BCAS4: variants seen among roughly 807,000 people sequenced by gnomAD.
The protein encoded by BCAS4 is breast carcinoma amplified sequence 4, also known as breast carcinoma-amplified sequence 4.
A neutral mutation model predicts 15.7 loss-of-function variants in BCAS4; 9 were observed. The ratio of observed to expected loss-of-function variants is 0.57; its 90% CI spans 0.34 to 1.00. BCAS4 has a LOEUF of 1.00. Ranked by LOEUF, BCAS4 falls within the 50% of genes least tolerant of loss-of-function variation. The pLI is 0.02. For synonymous variants in BCAS4, 101 were observed against 99.5 expected (o/e 1.02, Z -0.09); for missense variants, 225 against 239.1 (o/e 0.94, Z 0.39).
intron 4 of BCAS4, among the ~76,000 whole-genome samples, chr20:50,844,074 G>A (rs1465576359): frequency 2.6e-5 from 4 of 151,624 alleles, no homozygotes; most frequent in Non-Finnish European, 5.9e-5. Flanking sequence ...AGCCTAGCCT[G>A]GGAGGTGGAG....
intron 3 of BCAS4, 141 bp downstream of exon 3, chr20:50,830,521 C>A: frequency 1.6e-6 from 1 of 636,292 alleles, no homozygotes; most frequent in Admixed American, 3.4e-5. Flanking sequence ...GGGGAGTCTG[C>A]ACTCAAGTGA....
intron 1 of BCAS4, among the ~76,000 whole-genome samples, chr20:50,800,447 C>A (rs1230573316): frequency 6.6e-6 from 1 of 151,978 alleles, no homozygotes; most frequent in East Asian, 1.9e-4. Flanking sequence ...GATGGAGGAG[C>A]TGCTGAGGGG....
At chr20:50,866,516 A>G (rs1277230454) in intron 4 of BCAS4, among the ~76,000 whole-genome samples, 2 of 152,222 alleles carry the variant, frequency 1.3e-5, no homozygotes, top group African/African-American at 4.8e-5. Context: ...TAGGCACTCA[A>G]TGTTTATTTG....
chr20:50,864,312 A>C (rs1433039201), intron 4 of BCAS4, among the ~76,000 whole-genome samples: 1 of 152,150 alleles, frequency 6.6e-6, no homozygotes, highest in Non-Finnish European at 1.5e-5. Flanking sequence ...CCTAAACCCC[A>C]CTGAGTCTTA....
chr20:50,870,494 G>A (rs1224894171), intron 4 of BCAS4, among the ~76,000 whole-genome samples: 1 of 152,138 alleles, frequency 6.6e-6, no homozygotes, highest in Non-Finnish European at 1.5e-5. Context: ...TGTGAGAAAC[G>A]GAGCTGCTGG....
chr20:50,849,040 G>A (rs1050036632), intron 4 of BCAS4, among the ~76,000 whole-genome samples: 1 of 152,264 alleles, frequency 6.6e-6, no homozygotes, highest in Non-Finnish European at 1.5e-5. Flanking sequence ...GCGGACCTCG[G>A]AAGTGCACAG....
At chr20:50,807,653 C>G (rs2088008371) in intron 1 of BCAS4, among the ~76,000 whole-genome samples, 1 of 152,216 alleles carries the variant, frequency 6.6e-6, no homozygotes, top group Non-Finnish European at 1.5e-5. Flanking sequence ...TCTTTTACCC[C>G]TCACCTACCT....
At chr20:50,843,828 CAT>C (rs1255837259) in intron 4 of BCAS4, among the ~76,000 whole-genome samples, 1 of 152,216 alleles carries the variant, frequency 6.6e-6, no homozygotes, top group Non-Finnish European at 1.5e-5. Flanking sequence ...TCCCGAGTGA[CAT>C]TTCCCACTGA....
intron 4 of BCAS4, among the ~76,000 whole-genome samples, chr20:50,870,049 T>C (rs1979557846): frequency 6.6e-6 from 1 of 152,182 alleles, no homozygotes; most frequent in Admixed American, 6.5e-5. Context: ...ACACCCAGCC[T>C]GCCATTGCTT....
intron 4 of BCAS4, among the ~76,000 whole-genome samples, chr20:50,853,439 C>G (rs1313296304): frequency 6.6e-6 from 1 of 152,108 alleles, no homozygotes; most frequent in Non-Finnish European, 1.5e-5. Context: ...CTCACCCAGC[C>G]AACACCCCCC....
rs142217598 is a variant in BCAS4, at chr20:50,819,597, G to A, written c.162+1315G>A. Among the ~76,000 whole-genome samples, 1,122 of 152,156 alleles carry A rather than the reference G, an allele frequency of 7.4e-3. 21 individuals are homozygous for A. Among genetic ancestry groups the A allele is most frequent in the African/African-American group, 0.026 (1,074 of 41,500 alleles). ...ACTGAGTCATCCCTACCTATTCAGC[G>A]GACCTCGGCCCAGCCTCTAGGGTCA... is the stretch of plus-strand genomic sequence containing the variant. On this transcript the variant is annotated intron_variant, in intron 2 of 4. Transcript: ENST00000371608.
At chr20:50,799,492 G>T (rs1031888008) in intron 1 of BCAS4, among the ~76,000 whole-genome samples, 3 of 152,158 alleles carry the variant, frequency 2.0e-5, no homozygotes, top group African/African-American at 7.2e-5. Context: ...ACATGAGCAG[G>T]AAAAGGAAAA....
chr20:50,808,126 A>T (rs984162126), intron 1 of BCAS4, among the ~76,000 whole-genome samples: 3 of 151,666 alleles, frequency 2.0e-5, no homozygotes, highest in Non-Finnish European at 2.9e-5. Flanking sequence ...GTTAGCCAGG[A>T]TGGTCTCGAT....
intron 2 of BCAS4, among the ~76,000 whole-genome samples, chr20:50,823,478 C>T (rs535043359): frequency 6.6e-6 from 1 of 152,088 alleles, no homozygotes; most frequent in Non-Finnish European, 1.5e-5. Context: ...GAAAAAGAAT[C>T]GACTGCTATA....
chr20:50,801,160 C>G (rs1600843230), intron 1 of BCAS4, among the ~76,000 whole-genome samples: 1 of 152,086 alleles, frequency 6.6e-6, no homozygotes, highest in East Asian at 1.9e-4. Flanking sequence ...GGCGCCATGG[C>G]TCATGCCTGT....
At chr20:50,868,812 G>A (rs1405804994) in intron 4 of BCAS4, among the ~76,000 whole-genome samples, 1 of 152,174 alleles carries the variant, frequency 6.6e-6, no homozygotes, top group African/African-American at 2.4e-5. Context: ...ATTAACAGAG[G>A]GATCATGAGA....
intron 4 of BCAS4, among the ~76,000 whole-genome samples, chr20:50,846,307 G>C (rs530806508): frequency 5.9e-5 from 9 of 152,260 alleles, no homozygotes; most frequent in Non-Finnish European, 1.0e-4. Context: ...TGTCTTAGCT[G>C]TGTGACCATG....
At chr20:50,813,419 G>T (rs923784670) in intron 1 of BCAS4, among the ~76,000 whole-genome samples, 2 of 152,218 alleles carry the variant, frequency 1.3e-5, no homozygotes, top group South Asian at 4.1e-4. Flanking sequence ...TGGGACCAGC[G>T]AGCAGGCTAC....
chr20:50,809,437 G>C (rs929005328), intron 1 of BCAS4, among the ~76,000 whole-genome samples: 3 of 152,130 alleles, frequency 2.0e-5, no homozygotes, highest in African/African-American at 7.2e-5. Flanking sequence ...TTGAACTCCT[G>C]ATCTCAAGCG....
Sources: gnomAD v4.1 joint callset for allele counts (sites outside exome capture counted in the v4.1 genomes callset) on GRCh38, gnomAD v4.1.1 for gene constraint, MANE v1.5 for transcripts, NCBI Gene and HGNC (gene_info 2026-07-23, HGNC 2026-07-21) for gene names.